EEF1AKMT1: variants seen among roughly 807,000 people sequenced by gnomAD.
EEF1AKMT1 encodes the protein N-6 adenine-specific DNA methyltransferase 2 (putative).
A neutral mutation model predicts 21.0 loss-of-function variants in EEF1AKMT1; 18 were observed. The observed-to-expected ratio is 0.86, with a 90% CI of 0.59 to 1.27. The LOEUF (loss-of-function observed/expected upper bound fraction) is 1.27, where lower values mean the gene tolerates loss of function less well. EEF1AKMT1 is among the 50% of genes most tolerant of loss of function. EEF1AKMT1 has a pLI of 0.00. For missense variants in EEF1AKMT1, 246 were observed against 258.6 expected (o/e 0.95, Z 0.33); for synonymous variants, 109 against 94.8 (o/e 1.15, Z -0.87).
At chr13:20,760,828 T>C (rs772345181) in intron 1 of EEF1AKMT1, among the ~76,000 whole-genome samples, 5 of 152,238 alleles carry the variant, frequency 3.3e-5, no homozygotes, top group Non-Finnish European at 5.9e-5. Flanking sequence ...TAGATAACAA[T>C]TTAAATTGGC....
chr13:20,743,778 C>A (rs771544115), intron 2 of EEF1AKMT1, among the ~76,000 whole-genome samples: 1 of 151,508 alleles, frequency 6.6e-6, no homozygotes, highest in Non-Finnish European at 1.5e-5. Flanking sequence ...ACTAATCAAC[C>A]CATCATGTAG....
chr13:20,757,456 C>T lies in EEF1AKMT1; in HGVS notation c.143G>A (p.Trp48Ter). ...TGGCTGTGAAATGCATTTACTTACC[C>T]AATTCTCTTCTATTATTCCAATGTT... ...KYNIGIIEEN[W>*]QLSQFWYSQE... Residue 48 changes from tryptophan to a stop codon, truncating the protein, a stop_gained and splice_region_variant, in exon 2 of 5, where the codon TGG becomes TAG. Transcript: ENST00000382758. LOFTEE classifies it high-confidence loss of function. 6.2e-7 allele frequency: 1 copy of T among 1,613,918 alleles called. No individual in the cohort carries two copies. Among genetic ancestry groups the T allele is most frequent in the Non-Finnish European group, 8.5e-7 (1 of 1,179,886 alleles).
intron 2 of EEF1AKMT1, among the ~76,000 whole-genome samples, chr13:20,751,489 G>C (rs961715236): frequency 6.6e-6 from 1 of 151,982 alleles, no homozygotes; most frequent in African/African-American, 2.4e-5. Context: ...TTAATTTCTG[G>C]GTTCTCTATT....
In EEF1AKMT1 at chr13:20,741,804, AG is replaced by A. The variant is rs34060755; in HGVS notation, c.145-4000del. ...TACTCTTCATTCAATGAAAGAGAAA[AG>A]TGATCATTCATATGACCAGTCTACC... On this transcript the variant is annotated intron_variant, in intron 2 of 4. Coordinates refer to ENST00000382758, the MANE Select transcript of EEF1AKMT1 (RefSeq NM_001318939.2). Among the ~76,000 whole-genome samples, 1,363 of 152,292 alleles carry A rather than the reference AG, an allele frequency of 8.9e-3. 9 individuals are homozygous for A. Among genetic ancestry groups the A allele is most frequent in the Middle Eastern group, 0.031 (9 of 294 alleles).
intron 2 of EEF1AKMT1, among the ~76,000 whole-genome samples, chr13:20,748,715 G>GGTTTGTTT: frequency 9.4e-6 from 1 of 105,848 alleles, no homozygotes; most frequent in African/African-American, 3.7e-5. Context: ...ATGTATAGTT[G>GGTTTGTTT]TTTTTTTTTG....
At chr13:20,764,919 C>CACACA (rs1181708175) in intron 1 of EEF1AKMT1, among the ~76,000 whole-genome samples, 7 of 91,822 alleles carry the variant, frequency 7.6e-5, no homozygotes, top group Non-Finnish European at 1.4e-4. Flanking sequence ...ACACACACAC[C>CACACA]CTAATTTTGA....
intron 2 of EEF1AKMT1, among the ~76,000 whole-genome samples, chr13:20,740,935 C>T (rs2058866953): frequency 6.6e-6 from 1 of 152,118 alleles, no homozygotes; most frequent in African/African-American, 2.4e-5. Flanking sequence ...TTGTGTACTT[C>T]CTTCCTGAAT....
In EEF1AKMT1 at chr13:20,738,770, C is replaced by A. The variant is rs372945384; in HGVS notation, c.145-965G>T. ...TGTAATTCTGTTTATATGAAATGTC[C>A]CGAGTAGCAAGTCTACAAAGACAGT... On this transcript the variant is annotated intron_variant, in intron 2 of 4. Transcript: ENST00000382758. 2.9e-3 allele frequency among the ~76,000 whole-genome samples: 442 copies of A among 152,248 alleles called. 3 individuals carry two copies. Among genetic ancestry groups the A allele is most frequent in the African/African-American group, 0.01 (420 of 41,514 alleles).
At chr13:20,732,835 G>C (rs2058805094) in intron 3 of EEF1AKMT1, among the ~76,000 whole-genome samples, 2 of 152,072 alleles carry the variant, frequency 1.3e-5, no homozygotes, top group Admixed American at 6.5e-5. Flanking sequence ...TAATATTCAT[G>C]ATCTTGAAAG....
chr13:20,759,329 C>T (rs1005818614), intron 1 of EEF1AKMT1, among the ~76,000 whole-genome samples: 3 of 152,298 alleles, frequency 2.0e-5, no homozygotes, highest in Non-Finnish European at 4.4e-5. Flanking sequence ...CCTGTAATCG[C>T]AGCACTTTGG....
Position 20,764,601 on chromosome 13 carries a change from A to G in EEF1AKMT1, c.-19-6984T>C, listed in dbSNP as rs1056900891. Among the ~76,000 whole-genome samples, 3 of 152,084 alleles carry G rather than the reference A, an allele frequency of 2.0e-5. No homozygotes were observed. The East Asian group carries it at 5.8e-4, about 29-fold the overall frequency. On this transcript the variant is annotated intron_variant, in intron 1 of 4. Transcript: ENST00000382758. ...CTATCGATTGCTGAGAGGGAATGGA[A>G]GTACCCAGCTGTAATTGTGGATTTG...
intron 2 of EEF1AKMT1, among the ~76,000 whole-genome samples, chr13:20,738,570 G>C (rs1295552740): frequency 6.6e-6 from 1 of 152,146 alleles, no homozygotes; most frequent in Non-Finnish European, 1.5e-5. Context: ...AATCTGCCCT[G>C]TGTGGAAACA....
chr13:20,746,346 T>C (rs1417824937), intron 2 of EEF1AKMT1, among the ~76,000 whole-genome samples: 2 of 152,102 alleles, frequency 1.3e-5, no homozygotes, highest in African/African-American at 4.8e-5. Context: ...AGAGACGGGG[T>C]TTCACCATGT....
intron 2 of EEF1AKMT1, among the ~76,000 whole-genome samples, chr13:20,739,981 G>T (rs2058860044): frequency 6.6e-6 from 1 of 152,242 alleles, no homozygotes; most frequent in Non-Finnish European, 1.5e-5. Flanking sequence ...GCAGAGAAGG[G>T]GCGGCACCCG....
intron 2 of EEF1AKMT1, among the ~76,000 whole-genome samples, chr13:20,741,236 C>T (rs941091171): frequency 4.0e-5 from 6 of 151,712 alleles, no homozygotes; most frequent in Non-Finnish European, 7.4e-5. Context: ...GCCACTTTTA[C>T]CACTTATGTT....
rs142539489 is a variant in EEF1AKMT1, at chr13:20,747,118, C to T, written c.145-9313G>A. 7.0e-5 allele frequency: 11 copies of T among 157,554 alleles called. No homozygotes were observed. In the East Asian group the frequency reaches 1.9e-3, roughly 28 times the overall value. The allele number at this position is 157,554 out of a possible 1,614,324, so 9.8% of individuals were successfully genotyped here. Reference sequence around the variant, plus strand: ...CAGCTTCATTCTCACAGGTTATCACCCTCATCAGGGAGATGATGATCTCTG... The same window carrying T: ...CAGCTTCATTCTCACAGGTTATCACTCTCATCAGGGAGATGATGATCTCTG... On this transcript the variant is annotated intron_variant, in intron 2 of 4. Coordinates refer to ENST00000382758, the MANE Select transcript of EEF1AKMT1 (RefSeq NM_001318939.2).
At chr13:20,743,445 T>TC (rs2058883964) in intron 2 of EEF1AKMT1, among the ~76,000 whole-genome samples, 1 of 151,198 alleles carries the variant, frequency 6.6e-6, no homozygotes, top group Non-Finnish European at 1.5e-5. Context: ...AAGATTGAAT[T>TC]TTTTTTTCCA....
At chr13:20,743,376 A>G in intron 2 of EEF1AKMT1, among the ~76,000 whole-genome samples, 1 of 151,826 alleles carries the variant, frequency 6.6e-6, no homozygotes, top group African/African-American at 2.4e-5. Flanking sequence ...TAATACTTTT[A>G]TTATTTTTAT....
chr13:20,752,408 T>C (rs2058946785), intron 2 of EEF1AKMT1, among the ~76,000 whole-genome samples: 1 of 152,198 alleles, frequency 6.6e-6, no homozygotes, highest in Admixed American at 6.5e-5. Flanking sequence ...GATGATCATA[T>C]AACATTTGTC....
Sources: allele counts gnomAD v4.1 joint callset (sites outside exome capture counted in the v4.1 genomes callset), GRCh38; gene constraint gnomAD v4.1.1; transcripts MANE v1.5; gene names NCBI Gene and HGNC (gene_info 2026-07-23, HGNC 2026-07-21).